LRRC4C: variants seen among roughly 807,000 people sequenced by gnomAD.
The protein encoded by LRRC4C is leucine rich repeat containing 4C, also known as leucine-rich repeat-containing protein 4C.
LRRC4C carries 5 observed loss-of-function variants against 33.6 expected under a neutral mutation model. That is an observed-to-expected ratio of 0.15 (90% confidence interval 0.08 to 0.31). LRRC4C has a LOEUF of 0.31. LRRC4C is among the 10% of genes least tolerant of loss of function. The pLI is 1.00. For synonymous variants in LRRC4C, 329 were observed against 302.0 expected (o/e 1.09, Z -0.93); for missense variants, 560 against 796.7 (o/e 0.70, Z 3.58).
chr11:40,326,024 T>C (rs554514181), intron 3 of LRRC4C, among the ~76,000 whole-genome samples: 8 of 150,840 alleles, frequency 5.3e-5, no homozygotes, highest in African/African-American at 2.0e-4. Flanking sequence ...AACCATGAGG[T>C]TGGAATGCTG....
chr11:41,302,431 T>C (rs1411763332), intron 1 of LRRC4C, among the ~76,000 whole-genome samples: 8 of 152,196 alleles, frequency 5.3e-5, no homozygotes, highest in Admixed American at 5.2e-4. Flanking sequence ...CTCTCAGTGG[T>C]GATACAATTT....
chr11:41,435,572 A>C (rs1955397656), intron 1 of LRRC4C, among the ~76,000 whole-genome samples: 1 of 152,206 alleles, frequency 6.6e-6, no homozygotes, highest in African/African-American at 2.4e-5. Flanking sequence ...CATAATTTAA[A>C]ATGACTTGTT....
At chr11:41,006,783 G>T (rs1854784471) in intron 1 of LRRC4C, among the ~76,000 whole-genome samples, 7 of 152,030 alleles carry the variant, frequency 4.6e-5, no homozygotes, top group Admixed American at 4.6e-4. Context: ...TTTGTATTTT[G>T]CAATGTCTTA....
At chr11:41,400,644 A>C (rs1953991089) in intron 1 of LRRC4C, among the ~76,000 whole-genome samples, 2 of 151,906 alleles carry the variant, frequency 1.3e-5, no homozygotes, top group South Asian at 4.1e-4. Flanking sequence ...GATTAAGGCT[A>C]CTTTCCTAGA....
intron 3 of LRRC4C, among the ~76,000 whole-genome samples, chr11:40,601,753 CTGA>C (rs761315860): frequency 3.9e-5 from 6 of 152,090 alleles, no homozygotes; most frequent in African/African-American, 7.2e-5. Context: ...ATAATTCATG[CTGA>C]TATTTTTCAT....
intron 2 of LRRC4C, among the ~76,000 whole-genome samples, chr11:40,682,778 A>AAATAAAT (rs761497397): frequency 6.9e-6 from 1 of 144,280 alleles, no homozygotes; most frequent in Admixed American, 6.9e-5. Flanking sequence ...ATAAATAAAT[A>AAATAAAT]AAATAAAGAT....
At chr11:40,679,836 C>A (rs1944587923) in intron 2 of LRRC4C, among the ~76,000 whole-genome samples, 1 of 152,104 alleles carries the variant, frequency 6.6e-6, no homozygotes, top group Admixed American at 6.5e-5. Flanking sequence ...GGGGTCAGAT[C>A]CCCCACACAT....
In LRRC4C at chr11:40,807,830, T is replaced by G. The variant is rs151271128; in HGVS notation, c.-407+125805A>C. Among the ~76,000 whole-genome samples the G allele has an allele frequency of 3.4e-3, 517 of 152,302 alleles. 3 individuals carry two copies. The highest frequency in any genetic ancestry group is 0.019 in the South Asian group (92 of 4,828). On this transcript the variant is annotated intron_variant, in intron 2 of 6. Transcript: ENST00000528697. ...TCTTAAGACAAAGCTTTGATTTAGA[T>G]ATTATATTGCTGGATACCACATTCA...
At chr11:40,708,627 T>G (rs1946298129) in intron 2 of LRRC4C, among the ~76,000 whole-genome samples, 1 of 152,218 alleles carries the variant, frequency 6.6e-6, no homozygotes. Flanking sequence ...AGTGCTTTAC[T>G]TCCAACTATG....
chr11:41,358,616 A>C (rs1360414686), intron 1 of LRRC4C, among the ~76,000 whole-genome samples: 6 of 152,170 alleles, frequency 3.9e-5, no homozygotes, highest in South Asian at 2.1e-4. Flanking sequence ...ACATATGAAA[A>C]ATAAGTATAT....
At chr11:40,297,755 C>T (rs1944585007) in intron 4 of LRRC4C, among the ~76,000 whole-genome samples, 1 of 152,100 alleles carries the variant, frequency 6.6e-6, no homozygotes, top group Admixed American at 6.6e-5. Flanking sequence ...ATGTATGTTA[C>T]AGATTTCAAC....
At chr11:40,580,352 A>G (rs754239605) in intron 3 of LRRC4C, among the ~76,000 whole-genome samples, 2 of 151,218 alleles carry the variant, frequency 1.3e-5, no homozygotes, top group Non-Finnish European at 2.9e-5. Context: ...TCTCATGAGA[A>G]CTCATTCACT....
intron 1 of LRRC4C, among the ~76,000 whole-genome samples, chr11:41,397,170 C>T (rs1378040952): frequency 6.6e-6 from 1 of 151,846 alleles, no homozygotes; most frequent in Admixed American, 6.6e-5. Flanking sequence ...AGCAGTTGAC[C>T]CTCTAACAAC....
chr11:40,342,286 T>C (rs1448505682), intron 3 of LRRC4C, among the ~76,000 whole-genome samples: 2 of 152,088 alleles, frequency 1.3e-5, no homozygotes, highest in Non-Finnish European at 2.9e-5. Context: ...CTGGCCAACA[T>C]GGTGAAACCC....
At chr11:40,391,773 G>C (rs1949346645) in intron 3 of LRRC4C, among the ~76,000 whole-genome samples, 1 of 152,016 alleles carries the variant, frequency 6.6e-6, no homozygotes, top group African/African-American at 2.4e-5. Context: ...GGACTTGAAT[G>C]GTAAGTAAAT....
At chr11:40,281,174 G>A (rs1300263871) in intron 4 of LRRC4C, among the ~76,000 whole-genome samples, 1 of 152,106 alleles carries the variant, frequency 6.6e-6, no homozygotes, top group Non-Finnish European at 1.5e-5. Flanking sequence ...TACAGAGAAA[G>A]CCTTCACAGT....
In LRRC4C at chr11:40,247,743, G is replaced by A. The variant is rs367858916; in HGVS notation, c.-175-6145C>T. ...ATATTCTCCGTTGTCCAGATAGAGA[G>A]GTCATGTCACCTTCCAGATATTTCT... is the stretch of plus-strand genomic sequence containing the variant. On this transcript the variant is annotated intron_variant, in intron 4 of 6. Coordinates refer to ENST00000528697, the MANE Select transcript of LRRC4C (RefSeq NM_001258419.2). 5.5e-4 allele frequency among the ~76,000 whole-genome samples: 83 copies of A among 152,224 alleles called. 1 individual carries two copies. In the South Asian group the frequency reaches 0.011, roughly 19 times the overall value.
At chr11:40,374,011 A>T (rs1948563443) in intron 3 of LRRC4C, among the ~76,000 whole-genome samples, 2 of 152,224 alleles carry the variant, frequency 1.3e-5, no homozygotes, top group South Asian at 4.1e-4. Flanking sequence ...ATTGGCCTTC[A>T]CAAAAATTTA....
At chr11:41,235,659 A>G (rs1947989623) in intron 1 of LRRC4C, among the ~76,000 whole-genome samples, 1 of 152,162 alleles carries the variant, frequency 6.6e-6, no homozygotes, top group African/African-American at 2.4e-5. Context: ...AAACGTATGA[A>G]TGTAGGCCAT....
Sources: gnomAD v4.1 joint callset for allele counts (sites outside exome capture counted in the v4.1 genomes callset) on GRCh38, gnomAD v4.1.1 for gene constraint, MANE v1.5 for transcripts, NCBI Gene and HGNC (gene_info 2026-07-23, HGNC 2026-07-21) for gene names.